The following SMAD9 variants were observed in gnomAD, a reference collection of about 807,000 sequenced individuals.
The protein encoded by SMAD9 is SMAD family member 9, also known as MAD homolog 9.
In SMAD9, 36 loss-of-function variants were observed where a neutral mutation model predicts 46.1. The ratio of observed to expected loss-of-function variants is 0.78; its 90% CI spans 0.60 to 1.03. The LOEUF (loss-of-function observed/expected upper bound fraction) is 1.03. SMAD9 is among the 50% of genes least tolerant of loss of function. SMAD9 has a pLI of 0.00. For synonymous variants in SMAD9, 245 were observed against 237.1 expected (o/e 1.03, Z -0.31); for missense variants, 572 against 599.8 (o/e 0.95, Z 0.48).
At chr13:36,919,729 T>C (rs1490579868) in intron 1 of SMAD9, among the ~76,000 whole-genome samples, 2 of 137,724 alleles carry the variant, frequency 1.5e-5, no homozygotes, top group Non-Finnish European at 3.1e-5. Context: ...CCCTGACAGG[T>C]CCCGGGGCCC....
intron 2 of SMAD9, among the ~76,000 whole-genome samples, chr13:36,877,291 GGTGACGGTTGCAGTGAGCAGAGACT>G (rs1336613046): frequency 6.6e-6 from 1 of 152,198 alleles, no homozygotes; most frequent in Non-Finnish European, 1.5e-5. Context: ...GAACTGGGGA[GGTGACGGTTGCAGTGAGCAGAGACT>G]GCGCCACTGC....
intron 3 of SMAD9, among the ~76,000 whole-genome samples, chr13:36,868,476 A>AAT (rs2058257314): frequency 6.6e-6 from 1 of 152,192 alleles, no homozygotes; most frequent in Non-Finnish European, 1.5e-5. Context: ...ACAGTGGCTC[A>AAT]CACCTGTAAT....
intron 3 of SMAD9, among the ~76,000 whole-genome samples, chr13:36,868,249 T>C (rs2058254641): frequency 6.6e-6 from 1 of 152,320 alleles, no homozygotes; most frequent in Non-Finnish European, 1.5e-5. Flanking sequence ...AATAGGTCAG[T>C]GGTTGAATGT....
intron 2 of SMAD9, among the ~76,000 whole-genome samples, chr13:36,874,237 T>A (rs947964468): frequency 1.3e-5 from 2 of 152,102 alleles, no homozygotes; most frequent in African/African-American, 2.4e-5. Flanking sequence ...AGCCACAGAG[T>A]GTGCAGAGCT....
chr13:36,908,740 A>C (rs1308634397), intron 1 of SMAD9, among the ~76,000 whole-genome samples: 1 of 152,232 alleles, frequency 6.6e-6, no homozygotes, highest in African/African-American at 2.4e-5. Context: ...AGTGAAAATA[A>C]AAACAAATTA....
intron 1 of SMAD9, among the ~76,000 whole-genome samples, chr13:36,892,755 T>G (rs187697366): frequency 2.0e-4 from 30 of 152,282 alleles, no homozygotes; most frequent in Middle Eastern, 6.8e-3. Flanking sequence ...GATCAATAGC[T>G]GTAATCTTGA....
intron 1 of SMAD9, among the ~76,000 whole-genome samples, chr13:36,884,449 A>C (rs929769037): frequency 2.0e-5 from 3 of 152,188 alleles, no homozygotes; most frequent in African/African-American, 7.2e-5. Context: ...GCATAAAAAC[A>C]GTACTTTTTT....
intron 1 of SMAD9, among the ~76,000 whole-genome samples, chr13:36,913,188 A>G (rs969730761): frequency 2.0e-5 from 3 of 152,246 alleles, no homozygotes; most frequent in Non-Finnish European, 4.4e-5. Context: ...CTGAATAGAG[A>G]AATAAACCCA....
chr13:36,920,181 T>TGCAGCAGCG lies in SMAD9; in HGVS notation c.-261_-253dup, dbSNP rs1310587090. ...CGGCGGCGGGGACCGAGACAGCGGC[T>TGCAGCAGCG]GCAGCAGCGGCGGCGGCGGCGGCGG... On this transcript the variant is annotated 5_prime_UTR_variant, in exon 1 of 7. Transcript: ENST00000379826. 1.2e-4 allele frequency: 15 copies of TGCAGCAGCG among 120,722 alleles called. No homozygotes were observed. The highest frequency in any genetic ancestry group is 4.4e-4 in the African/African-American group (13 of 29,702). 7.5% of individuals were successfully genotyped at this position (120,722 alleles called of 1,614,324 possible).
rs757282095 is a variant in SMAD9 at position 36,879,389 on chromosome 13, G to A, written c.301C>T (p.Leu101=). 5 of 1,613,986 alleles carry A rather than the reference G, an allele frequency of 3.1e-6. No individual in the cohort carries two copies. The African/African-American group carries it at 5.3e-5, about 17-fold the overall frequency. Residue 101 remains leucine, a synonymous_variant, in exon 2 of 7, where the codon CTG becomes TTG. Transcript: ENST00000379826. ...GGCTTCAGCTCGTGGTGGGACTGCA[G>A]ATCCGGCCAGCGCCACACGCGACAG... The part of the protein sequence containing the change: ...IYCRVWRWPD[L]QSHHELKPLE...
Position 36,861,608 on chromosome 13 carries a change from G to A in SMAD9, c.1003+3929C>T, listed in dbSNP as rs575799013. 8.0e-5 allele frequency among the ~76,000 whole-genome samples: 12 copies of A among 150,714 alleles called. No homozygotes were observed. In the South Asian group the frequency reaches 1.9e-3, roughly 24 times the overall value. The stretch of plus-strand genomic sequence containing the variant: ...TGGGATTACAGGCATGAGCCACTGC[G>A]TCTGGTCACTAAAAAGAATTTTTAA... On this transcript the variant is annotated intron_variant, in intron 5 of 6. Coordinates refer to ENST00000379826, the MANE Select transcript of SMAD9 (RefSeq NM_001127217.3).
rs1566033899 is a variant in SMAD9, at chr13:36,893,441, A to AT, written c.-186-13567_-186-13566insA. On this transcript the variant is annotated intron_variant, in intron 1 of 6. Coordinates refer to ENST00000379826, the MANE Select transcript of SMAD9 (RefSeq NM_001127217.3). ...AGATATATATATAAATATAAATATA[A>AT]ATATATATATATATACACATAAAGA... Among the ~76,000 whole-genome samples the AT allele has an allele frequency of 8.8e-3, 1,254 of 142,102 alleles. 5 individuals are homozygous for AT. Among genetic ancestry groups the AT allele is most frequent in the Middle Eastern group, 0.022 (6 of 270 alleles). The allele number at this position is 142,102 out of a possible 152,430, so 93.2% of individuals were successfully genotyped here.
intron 1 of SMAD9, among the ~76,000 whole-genome samples, chr13:36,882,054 C>A (rs943188842): frequency 1.3e-5 from 2 of 152,040 alleles, no homozygotes; most frequent in African/African-American, 2.4e-5. Flanking sequence ...TTGTTTGGTT[C>A]GTTTTTTTAA....
At chr13:36,860,436 G>A (rs1405398037) in intron 5 of SMAD9, among the ~76,000 whole-genome samples, 1 of 150,494 alleles carries the variant, frequency 6.6e-6, no homozygotes, top group Non-Finnish European at 1.5e-5. Flanking sequence ...CCCACAAAGG[G>A]AGAAATTTTT....
intron 5 of SMAD9, among the ~76,000 whole-genome samples, chr13:36,861,552 G>T (rs1218956960): frequency 6.6e-6 from 1 of 151,322 alleles, no homozygotes; most frequent in African/African-American, 2.4e-5. Flanking sequence ...CCGACCTCAG[G>T]TGACCTGCCT....
chr13:36,872,911 CAGT>C lies in SMAD9; in HGVS notation c.414_416del (p.Leu139del). 1 of 1,614,040 alleles carries C rather than the reference CAGT, an allele frequency of 6.2e-7. No homozygotes were observed. The highest frequency in any genetic ancestry group is 8.5e-7 in the Non-Finnish European group (1 of 1,179,998). On this transcript the variant is annotated inframe_deletion and splice_region_variant, in exon 3 of 7. Transcript: ENST00000379826. Reference sequence around the variant, plus strand: ...TGTGTCTTGGCACGAGCACAGGAGGCAGTACTAGGATCAGAAAGGAACAAGGCA... The same window carrying C: ...TGTGTCTTGGCACGAGCACAGGAGGCACTAGGATCAGAAAGGAACAAGGCA...
At chr13:36,913,674 A>T (rs2058677768) in intron 1 of SMAD9, among the ~76,000 whole-genome samples, 1 of 152,218 alleles carries the variant, frequency 6.6e-6, no homozygotes, top group South Asian at 2.1e-4. Context: ...GTGTAAACAT[A>T]TAGTCAATAA....
upstream of SMAD9, chr13:36,920,778 C>T (rs1473291409): frequency 6.6e-6 from 1 of 152,412 alleles, no homozygotes; most frequent in Admixed American, 6.5e-5. Flanking sequence ...TAGTGACTCT[C>T]ACTTGCCCTG....
rs1477914508 is a variant in SMAD9, at chr13:36,847,284, G to A, written c.*1392C>T. 1 of 152,180 alleles carries A rather than the reference G, an allele frequency of 6.6e-6. No individual in the cohort carries two copies. The allele number at this position is 152,180 out of a possible 1,614,324, so 9.4% of individuals were successfully genotyped here. A position where few individuals can be genotyped will look rare whatever the true frequency, so the allele number is the denominator to read the frequency against. ...TTCTTGGATTACTGAAGTGCTGTCT[G>A]TTACAAGCATAACTGCCATCTTAAA... On this transcript the variant is annotated 3_prime_UTR_variant, in exon 7 of 7. Coordinates refer to ENST00000379826, the MANE Select transcript of SMAD9 (RefSeq NM_001127217.3).
Sources: gnomAD v4.1 joint callset for allele counts (sites outside exome capture counted in the v4.1 genomes callset) on GRCh38, gnomAD v4.1.1 for gene constraint, MANE v1.5 for transcripts, NCBI Gene and HGNC (gene_info 2026-07-23, HGNC 2026-07-21) for gene names.